The following NTAQ1 variants were observed in gnomAD, a reference collection of about 807,000 sequenced individuals.
The protein encoded by NTAQ1 is protein N-terminal glutamine amidohydrolase.
In NTAQ1, 21 loss-of-function variants were observed where a neutral mutation model predicts 28.2. The observed-to-expected ratio is 0.74, with a 90% CI of 0.53 to 1.07. The LOEUF is 1.07. Among genes scored for constraint, NTAQ1 ranks in the 50% least tolerant of loss-of-function variants. The probability of loss-of-function intolerance (pLI) is 0.00; values close to 1 mark genes in which losing one functional copy is unlikely to be tolerated. For synonymous variants in NTAQ1, 105 were observed against 90.0 expected (o/e 1.17, Z -0.94); for missense variants, 264 against 256.6 (o/e 1.03, Z -0.20).
chr8:123,418,791 C>A lies in NTAQ1; in HGVS notation c.83+1859C>A, dbSNP rs190831408. 1.4e-4 allele frequency among the ~76,000 whole-genome samples: 22 copies of A among 152,292 alleles called. No individual in the cohort carries two copies. The East Asian group carries it at 4.1e-3, about 28-fold the overall frequency. ...AGAATGGTAAGAGATGACCACTCTA[C>A]CACAGAGTTTCTCCATCTTGGCTTG... On this transcript the variant is annotated intron_variant, in intron 1 of 5. Coordinates refer to ENST00000287387, the MANE Select transcript of NTAQ1 (RefSeq NM_018024.3).
chr8:123,441,484 C>T lies in NTAQ1; in HGVS notation c.*69C>T. 8.1e-7 allele frequency: 1 copy of T among 1,235,354 alleles called. No individual in the cohort carries two copies. Among genetic ancestry groups the T allele is most frequent in the Non-Finnish European group, 1.2e-6 (1 of 851,356 alleles). The allele number at this position is 1,235,354 out of a possible 1,614,324, so 76.5% of individuals were successfully genotyped here. On this transcript the variant is annotated 3_prime_UTR_variant, in exon 6 of 6. Coordinates refer to ENST00000287387, the MANE Select transcript of NTAQ1 (RefSeq NM_018024.3). ...GAACAAGCTATCCTTTCATCGAGGA[C>T]AGCAAACATTATGGTACAGTTGGCT...
intron 3 of NTAQ1, among the ~76,000 whole-genome samples, chr8:123,435,782 G>A (rs4006558): frequency 0.18 from 27,469 of 151,810 alleles, 3,002 homozygotes; most frequent in Admixed American, 0.27. Context: ...CAGGAGAATC[G>A]CTTGAACCCA....
chr8:123,465,430 G>A (rs537420075), intron 6 of NTAQ1, among the ~76,000 whole-genome samples: 43 of 152,146 alleles, frequency 2.8e-4, no homozygotes, highest in Non-Finnish European at 7.4e-5. Flanking sequence ...AAGCTTTGTA[G>A]TCAGGCCCTC....
In NTAQ1 at chr8:123,429,965, ATGTAT is replaced by A. The variant is rs765786853; in HGVS notation, c.184-11_184-7del. The stretch of plus-strand genomic sequence containing the variant: ...TTTAACTAAAGGTATGGCTTACGAA[ATGTAT>A]TGTATTTTGTAGATACCTATCTGGA... On this transcript the variant is annotated splice_polypyrimidine_tract_variant and intron_variant, in intron 2 of 5. Coordinates refer to ENST00000287387, the MANE Select transcript of NTAQ1 (RefSeq NM_018024.3). 18 of 1,593,426 alleles carry A rather than the reference ATGTAT, an allele frequency of 1.1e-5. No homozygotes were observed. The African/African-American group carries it at 2.0e-4, about 18-fold the overall frequency.
downstream of NTAQ1, among the ~76,000 whole-genome samples, chr8:123,472,588 A>T (rs1816051871): frequency 6.6e-6 from 1 of 152,150 alleles, no homozygotes; most frequent in African/African-American, 2.4e-5. Context: ...CCTCCATTTT[A>T]CATGGCCTTC....
At chr8:123,422,095 T>A (rs1813735397) in intron 1 of NTAQ1, among the ~76,000 whole-genome samples, 1 of 92,496 alleles carries the variant, frequency 1.1e-5, no homozygotes, top group African/African-American at 4.1e-5. Context: ...AGATTATAGA[T>A]GTGAGCCACT....
chr8:123,421,086 A>G (rs917348831), intron 1 of NTAQ1, among the ~76,000 whole-genome samples: 3 of 19,040 alleles, frequency 1.6e-4, no homozygotes, highest in Non-Finnish European at 2.6e-4. Flanking sequence ...TACCCGGCCT[A>G]TTTATTCATT....
chr8:123,466,588 G>A (rs571364474), intron 6 of NTAQ1, among the ~76,000 whole-genome samples: 3 of 152,300 alleles, frequency 2.0e-5, no homozygotes, highest in East Asian at 3.9e-4. Context: ...GACACAGCAG[G>A]CAGGAGCCTG....
At chr8:123,432,389 C>T (rs1417010222) in intron 3 of NTAQ1, among the ~76,000 whole-genome samples, 2 of 152,062 alleles carry the variant, frequency 1.3e-5, no homozygotes, top group African/African-American at 2.4e-5. Flanking sequence ...CCTGTAATCC[C>T]AGCACTTTGG....
At chr8:123,468,211 T>C (rs529813634) in exon 7 of NTAQ1, among the ~76,000 whole-genome samples, 7 of 152,356 alleles carry the variant, frequency 4.6e-5, no homozygotes, top group African/African-American at 1.2e-4. Flanking sequence ...TTCAAAACTT[T>C]ATTTATGTAT....
At chr8:123,439,041 T>C (rs1171217167) in intron 5 of NTAQ1, among the ~76,000 whole-genome samples, 3 of 152,216 alleles carry the variant, frequency 2.0e-5, no homozygotes, top group South Asian at 4.1e-4. Flanking sequence ...AGGCATTTAG[T>C]GAACCCCTTG....
rs56183438 is a variant in NTAQ1, at chr8:123,441,145, G to T, written c.509-161G>T. 2.8e-3 allele frequency among the ~76,000 whole-genome samples: 429 copies of T among 152,226 alleles called. 6 individuals are homozygous for T. The highest frequency in any genetic ancestry group is 9.9e-3 in the African/African-American group (413 of 41,544). On this transcript the variant is annotated intron_variant, in intron 5 of 5. Transcript: ENST00000287387. ...TGGGTGTGTGTGTTTTGTCATGATT[G>T]GATTGAAGTTATACATTCAAGGCCA...
rs1814152627 is a variant in NTAQ1, at chr8:123,427,778, A to T, written c.84-146A>T. On this transcript the variant is annotated intron_variant, in intron 1 of 5. Transcript: ENST00000287387. ...ATACCAGCTTGTTGGGATGTTTTAGAGGAGATTCAGACATTAGCCAGTTGT... is the reference window on the plus strand; with the variant it reads ...ATACCAGCTTGTTGGGATGTTTTAGTGGAGATTCAGACATTAGCCAGTTGT... The T allele has an allele frequency of 4.7e-6, 3 of 641,778 alleles. No homozygotes were observed. In the South Asian group the frequency reaches 5.9e-5, roughly 13 times the overall value. 39.8% of individuals were successfully genotyped at this position (641,778 alleles called of 1,614,324 possible).
At position 123,430,047 on chromosome 8, in the gene NTAQ1, TACAG is replaced by T; in HGVS notation, c.234+16_234+19del. The T allele has an allele frequency of 6.2e-7, 1 of 1,609,584 alleles. No individual in the cohort carries two copies. Among genetic ancestry groups the T allele is most frequent in the Non-Finnish European group, 8.5e-7 (1 of 1,176,796 alleles). Reference sequence around the variant, plus strand: ...CCTGTGATCTGGGTAAGACAGTTAATACAGAGAGTATTGACGCATTATGACTTGT... The same window carrying T: ...CCTGTGATCTGGGTAAGACAGTTAATAGAGTATTGACGCATTATGACTTGT... On this transcript the variant is annotated intron_variant, in intron 3 of 5. Transcript: ENST00000287387.
At chr8:123,448,639 G>C (rs1815373432), downstream of NTAQ1, among the ~76,000 whole-genome samples, 1 of 152,178 alleles carries the variant, frequency 6.6e-6, no homozygotes, top group Non-Finnish European at 1.5e-5. Flanking sequence ...AGAAGAATTT[G>C]TGGTGTAAGC....
At chr8:123,462,099 G>A (rs1157376743) in intron 6 of NTAQ1, among the ~76,000 whole-genome samples, 1 of 152,142 alleles carries the variant, frequency 6.6e-6, no homozygotes, top group African/African-American at 2.4e-5. Context: ...AGGCTGGAGT[G>A]CAGTGGCGTG....
chr8:123,419,739 C>CCTCCCTCT (rs1554650344), intron 1 of NTAQ1, among the ~76,000 whole-genome samples: 2 of 97,132 alleles, frequency 2.1e-5, no homozygotes, highest in Non-Finnish European at 2.1e-5. Context: ...CACAGCCCTC[C>CCTCCCTCT]CTCCCTCCCT....
chr8:123,470,402 A>G (rs1484149548), downstream of NTAQ1, among the ~76,000 whole-genome samples: 2 of 152,350 alleles, frequency 1.3e-5, no homozygotes, highest in East Asian at 1.9e-4. Flanking sequence ...AGATGGACGC[A>G]TTTTATAACT....
downstream of NTAQ1, among the ~76,000 whole-genome samples, chr8:123,473,110 CTT>C (rs959759593): frequency 2.6e-5 from 4 of 152,134 alleles, 1 homozygote; most frequent in East Asian, 3.9e-4. Flanking sequence ...GAAAATGAAA[CTT>C]GTCTCATTTG....
Sources: gnomAD v4.1 joint callset for allele counts (sites outside exome capture counted in the v4.1 genomes callset) on GRCh38, gnomAD v4.1.1 for gene constraint, MANE v1.5 for transcripts, NCBI Gene and HGNC (gene_info 2026-07-23, HGNC 2026-07-21) for gene names.